The following SLC2A9 variants were observed in gnomAD, a reference collection of about 807,000 sequenced individuals.
SLC2A9 encodes solute carrier family 2, facilitated glucose transporter member 9.
A neutral mutation model predicts 50.6 loss-of-function variants in SLC2A9; 39 were observed. The ratio of observed to expected loss-of-function variants is 0.77; its 90% CI spans 0.60 to 1.01. SLC2A9 has a LOEUF of 1.01. SLC2A9 is among the 50% of genes least tolerant of loss of function. The pLI is 0.00. For synonymous variants in SLC2A9, 324 were observed against 276.9 expected, an observed-to-expected ratio of 1.17 and a Z score of -1.69; for missense variants, 686 against 677.6, an observed-to-expected ratio of 1.01 and a Z score of -0.14.
chr4:9,920,391 G>A lies in SLC2A9; in HGVS notation c.996C>T (p.Leu332=), dbSNP rs754496971. Residue 332 remains leucine (L), a synonymous_variant, in exon 7 of 12, where the codon CTC becomes CTT. Coordinates refer to ENST00000264784, the MANE Select transcript of SLC2A9 (RefSeq NM_020041.3). ...ACCGGGCCCCAGGACTCACTGCATT[G>A]AGGCCACAGAGCTGGTAGCAGGCCA... ...VTMACYQLCG[L]NAIWFYTNSI... 17 of 1,614,070 alleles carry A rather than the reference G, an allele frequency of 1.1e-5. No homozygotes were observed. Among genetic ancestry groups the A allele is most frequent in the Non-Finnish European group, 1.4e-5 (17 of 1,180,012 alleles).
chr4:9,805,869 C>G (rs1468655117), intron 3 of SLC2A9, among the ~76,000 whole-genome samples: 2 of 152,126 alleles, frequency 1.3e-5, no homozygotes, highest in East Asian at 1.9e-4. Context: ...AACTAATGTT[C>G]TCACTATAAT....
At chr4:9,972,902 T>C (rs1754143577) in intron 5 of SLC2A9, among the ~76,000 whole-genome samples, 1 of 151,792 alleles carries the variant, frequency 6.6e-6, no homozygotes, top group Non-Finnish European at 1.5e-5. Flanking sequence ...AAAAACAAGA[T>C]CAAACCAACT....
chr4:9,835,558 T>C (rs1460615613), intron 10 of SLC2A9, among the ~76,000 whole-genome samples: 5 of 152,368 alleles, frequency 3.3e-5, no homozygotes, highest in African/African-American at 7.2e-5. Context: ...GAACACAATT[T>C]GGAAATTACT....
intron 1 of SLC2A9, among the ~76,000 whole-genome samples, chr4:10,032,021 C>T (rs1763954272): frequency 1.3e-5 from 2 of 152,164 alleles, no homozygotes; most frequent in Admixed American, 6.5e-5. Context: ...CTTATTCATC[C>T]GATGGTGTAT....
chr4:10,021,266 C>T lies in SLC2A9; in HGVS notation c.150+14G>A, dbSNP rs1763475318. On this transcript the variant is annotated intron_variant, in intron 1 of 11. Coordinates refer to ENST00000264784, the MANE Select transcript of SLC2A9 (RefSeq NM_020041.3). Reference sequence around the variant, plus strand: ...ACAGCCCGCCAGCCATGCAGAAAAGCTGTCCGTAGTTACCTTTCTTCTCCT... The same window carrying T: ...ACAGCCCGCCAGCCATGCAGAAAAGTTGTCCGTAGTTACCTTTCTTCTCCT... 1.2e-6 allele frequency: 2 copies of T among 1,612,772 alleles called. No homozygotes were observed. The highest frequency in any genetic ancestry group is 1.1e-5 in the South Asian group (1 of 91,020).
intron 3 of SLC2A9, among the ~76,000 whole-genome samples, chr4:9,820,686 T>C (rs1302173103): frequency 6.6e-6 from 1 of 152,226 alleles, no homozygotes; most frequent in African/African-American, 2.4e-5. Context: ...ACCAAGTATT[T>C]CTTGTTTTGG....
Position 9,826,294 on chromosome 4 carries a change from G to T in SLC2A9, c.*103C>A. ...ACTTGCATAGCTTCAATTCATTTAA[G>T]CTTCCCAATAATGGGTAAATTTTAA... On this transcript the variant is annotated 3_prime_UTR_variant, in exon 12 of 12. Transcript: ENST00000264784. 8.6e-7 allele frequency: 1 copy of T among 1,163,350 alleles called. No individual in the cohort carries two copies. The highest frequency in any genetic ancestry group is 1.3e-6 in the Non-Finnish European group (1 of 773,206). 72.1% of individuals were successfully genotyped at this position (1,163,350 alleles called of 1,614,324 possible).
At chr4:10,029,307 C>G (rs1763855578) in intron 1 of SLC2A9, 1 of 152,208 alleles carries the variant, frequency 6.6e-6, no homozygotes, top group Non-Finnish European at 1.5e-5. Flanking sequence ...TCACCAAGCA[C>G]CAATCTGCCC....
intron 10 of SLC2A9, among the ~76,000 whole-genome samples, chr4:9,840,092 G>A (rs1438778896): frequency 6.6e-6 from 1 of 152,146 alleles, no homozygotes; most frequent in Non-Finnish European, 1.5e-5. Context: ...GCTTGTGGAA[G>A]GTAAGTAATT....
At chr4:9,815,482 C>G (rs1489311882) in intron 3 of SLC2A9, among the ~76,000 whole-genome samples, 2 of 152,234 alleles carry the variant, frequency 1.3e-5, no homozygotes, top group African/African-American at 4.8e-5. Flanking sequence ...CAGATCACAG[C>G]TGTTACAGAA....
rs749010726 is a variant in SLC2A9, at chr4:9,996,873, C to G, written c.318G>C (p.Leu106=). The G allele has an allele frequency of 1.2e-6, 2 of 1,614,030 alleles. No individual in the cohort carries two copies. Among genetic ancestry groups the G allele is most frequent in the African/African-American group, 2.7e-5 (2 of 74,936 alleles). Residue 106 remains leucine, a synonymous_variant, in exon 3 of 12, where the codon CTG becomes CTC. Coordinates refer to ENST00000264784, the MANE Select transcript of SLC2A9 (RefSeq NM_020041.3). The part of the protein sequence containing the change: ...RHGRPIDPDT[L]TLLWSVTVSI... ...ACACAGTCACAGACCAGAGCAAAGT[C>G]AGAGTGTCTGGGTCTATTGGACGTC...
Position 9,837,318 on chromosome 4 carries a change from A to G in SLC2A9, c.1292-2310T>C, listed in dbSNP as rs376174393. Among the ~76,000 whole-genome samples the G allele has an allele frequency of 2.0e-4, 30 of 152,382 alleles. No individual in the cohort carries two copies. The South Asian group carries it at 6.2e-3, about 32-fold the overall frequency. On this transcript the variant is annotated intron_variant, in intron 10 of 11. Coordinates refer to ENST00000264784, the MANE Select transcript of SLC2A9 (RefSeq NM_020041.3). ...AATAATGGTTACACACTGAAATGTA[A>G]TGAAACCAGCCTTTGGTTCTGCAAA... is the stretch of plus-strand genomic sequence containing the variant.
At chr4:9,849,000 C>A (rs116244514) in intron 10 of SLC2A9, among the ~76,000 whole-genome samples, 4,114 of 152,278 alleles carry the variant, frequency 0.027, 66 homozygotes, top group Middle Eastern at 0.041. Flanking sequence ...CCGTGCCTGG[C>A]CAGAAATTCT....
At chr4:9,883,956 G>C (rs1338705829) in intron 10 of SLC2A9, among the ~76,000 whole-genome samples, 1 of 152,174 alleles carries the variant, frequency 6.6e-6, no homozygotes, top group Non-Finnish European at 1.5e-5. Context: ...CCAGGTCAGG[G>C]CTCTTAAGAA....
At chr4:9,791,320 T>C (rs749990426) in intron 3 of SLC2A9, among the ~76,000 whole-genome samples, 5 of 152,244 alleles carry the variant, frequency 3.3e-5, no homozygotes, top group Admixed American at 6.5e-5. Flanking sequence ...AGCTAATCCA[T>C]GCCTGTTACA....
At chr4:9,963,682 G>C (rs902008049) in intron 5 of SLC2A9, among the ~76,000 whole-genome samples, 4 of 152,176 alleles carry the variant, frequency 2.6e-5, no homozygotes, top group Non-Finnish European at 2.9e-5. Flanking sequence ...CAACAGTCAG[G>C]GAATGTAGAA....
intron 10 of SLC2A9, among the ~76,000 whole-genome samples, chr4:9,883,973 T>C (rs1229492359): frequency 6.6e-6 from 1 of 152,210 alleles, no homozygotes; most frequent in Non-Finnish European, 1.5e-5. Context: ...AGAAGCTTTC[T>C]GCACAGTCTT....
intron 3 of SLC2A9, among the ~76,000 whole-genome samples, chr4:9,821,061 T>C (rs1292776235): frequency 2.0e-5 from 3 of 152,232 alleles, no homozygotes; most frequent in Non-Finnish European, 4.4e-5. Context: ...GCTAGCTGTA[T>C]CTTTTTTGTA....
chr4:9,920,723 A>C, intron 6 of SLC2A9, 151 bp from the exon 7 acceptor site: 1 of 838,018 alleles, frequency 1.2e-6, no homozygotes, highest in East Asian at 2.7e-5. Flanking sequence ...ATGGAGTCCA[A>C]AGCCCTTGTT....
Sources: allele counts gnomAD v4.1 joint callset (sites outside exome capture counted in the v4.1 genomes callset), GRCh38; gene constraint gnomAD v4.1.1; transcripts MANE v1.5; gene names NCBI Gene and HGNC (gene_info 2026-07-23, HGNC 2026-07-21).